The following SCD5 variants were observed in gnomAD, a reference collection of about 807,000 sequenced individuals.
SCD5 encodes the protein acyl-CoA-desaturase 4.
Under a neutral mutation model 30.4 loss-of-function variants are expected in SCD5, and 20 were observed. The observed-to-expected ratio is 0.66, with a 90% CI of 0.46 to 0.96. The LOEUF (loss-of-function observed/expected upper bound fraction) is 0.96, where lower values mean the gene tolerates loss of function less well. SCD5 is among the 40% of genes least tolerant of loss of function. The pLI is 0.00. For synonymous variants in SCD5, 173 were observed against 176.4 expected, an observed-to-expected ratio of 0.98 and a Z score of 0.16; for missense variants, 381 against 443.3, an observed-to-expected ratio of 0.86 and a Z score of 1.26.
intron 1 of SCD5, among the ~76,000 whole-genome samples, chr4:82,789,642 C>G (rs548741032): frequency 1.3e-5 from 2 of 152,274 alleles, no homozygotes; most frequent in Non-Finnish European, 2.9e-5. Flanking sequence ...CAGAGAGAAA[C>G]CTGCAGCCTG....
At chr4:82,743,522 TTA>T (rs543413157) in intron 1 of SCD5, among the ~76,000 whole-genome samples, 1 of 151,736 alleles carries the variant, frequency 6.6e-6, no homozygotes, top group Non-Finnish European at 1.5e-5. Flanking sequence ...AGGAAAAAAG[TTA>T]TATATATATA....
chr4:82,670,693 GATATGGCAAATATCAATTCCATA>G (rs1359007703), intron 3 of SCD5, among the ~76,000 whole-genome samples: 2 of 150,730 alleles, frequency 1.3e-5, no homozygotes, highest in African/African-American at 4.9e-5. Context: ...CATATCAATT[GATATGGCAAATATCAATTCCATA>G]TCAATTGATA....
intron 2 of SCD5, among the ~76,000 whole-genome samples, chr4:82,695,930 T>C (rs1057301341): frequency 7.2e-5 from 11 of 152,212 alleles, no homozygotes; most frequent in Non-Finnish European, 1.0e-4. Context: ...TTGAGCAATT[T>C]AACTCCACAT....
At chr4:82,653,676 T>TGATAGACAGATAGATA (rs146878462) in intron 3 of SCD5, among the ~76,000 whole-genome samples, 1 of 136,556 alleles carries the variant, frequency 7.3e-6, no homozygotes, top group Non-Finnish European at 1.5e-5. Flanking sequence ...TGAAAGTCAA[T>TGATAGACAGATAGATA]GATAGATAGA....
chr4:82,795,452 C>T (rs971863864), intron 1 of SCD5, among the ~76,000 whole-genome samples: 36 of 152,168 alleles, frequency 2.4e-4, no homozygotes, highest in African/African-American at 7.0e-4. Context: ...TGGTCTGCCT[C>T]GTCCCTCTGC....
chr4:82,638,732 T>C (rs1441850107), intron 3 of SCD5, among the ~76,000 whole-genome samples: 2 of 152,166 alleles, frequency 1.3e-5, no homozygotes, highest in East Asian at 3.9e-4. Flanking sequence ...AAAGCTGGGC[T>C]GAGAATATGA....
At chr4:82,794,931 G>A (rs1162401944) in intron 1 of SCD5, among the ~76,000 whole-genome samples, 2 of 152,222 alleles carry the variant, frequency 1.3e-5, no homozygotes, top group East Asian at 1.9e-4. Context: ...GATTATAGGC[G>A]TGAGCCACCA....
At chr4:82,720,451 A>AAAAAAAAAAAAAAAAAAAAAAAAC (rs1720347078) in intron 1 of SCD5, among the ~76,000 whole-genome samples, 1 of 147,596 alleles carries the variant, frequency 6.8e-6, no homozygotes, top group African/African-American at 2.6e-5. Flanking sequence ...TAAAAAAAAA[A>AAAAAAAAAAAAAAAAAAAAAAAAC]AAAAAAAAAA....
At chr4:82,681,011 G>A (rs1728561559) in intron 2 of SCD5, 99 bp from the exon 3 acceptor site, 1 of 964,746 alleles carries the variant, frequency 1.0e-6, no homozygotes, top group Non-Finnish European at 1.6e-6. Flanking sequence ...AGTCCTCACT[G>A]CTGGTTTCAC....
At chr4:82,796,491 C>T (rs528040662) in intron 1 of SCD5, among the ~76,000 whole-genome samples, 36 of 152,154 alleles carry the variant, frequency 2.4e-4, no homozygotes, top group African/African-American at 8.4e-4. Context: ...GAGAGCGGTC[C>T]GGAAAGGGCA....
At position 82,637,370 on chromosome 4, in the gene SCD5, A is replaced by C. The variant is rs542027816; in HGVS notation, c.570-547T>G. Among the ~76,000 whole-genome samples, 7 of 152,330 alleles carry C rather than the reference A, an allele frequency of 4.6e-5. No individual in the cohort carries two copies. The South Asian group carries it at 1.4e-3, about 32-fold the overall frequency. ...CGTTCCAAACCAGCAAAAAAATAAT[A>C]AGTATAGAAACAGGCATGGCCACAT... On this transcript the variant is annotated intron_variant, in intron 3 of 4. Transcript: ENST00000319540.
At chr4:82,703,848 C>T (rs565251963) in intron 2 of SCD5, among the ~76,000 whole-genome samples, 2 of 152,266 alleles carry the variant, frequency 1.3e-5, no homozygotes, top group South Asian at 2.1e-4. Context: ...AGGTCCTCAA[C>T]GTCATCTAAG....
chr4:82,666,597 G>T (rs1014757799), intron 3 of SCD5, among the ~76,000 whole-genome samples: 3 of 152,204 alleles, frequency 2.0e-5, no homozygotes, highest in Admixed American at 6.5e-5. Flanking sequence ...AGAGAACCAG[G>T]AATCGATAAT....
intron 3 of SCD5, among the ~76,000 whole-genome samples, chr4:82,651,533 G>T (rs1308095141): frequency 6.6e-6 from 1 of 152,100 alleles, no homozygotes; most frequent in Non-Finnish European, 1.5e-5. Flanking sequence ...TGGGTGATGG[G>T]TGCACCAAAA....
At chr4:82,777,568 G>T (rs1721770614) in intron 1 of SCD5, among the ~76,000 whole-genome samples, 1 of 152,200 alleles carries the variant, frequency 6.6e-6, no homozygotes, top group African/African-American at 2.4e-5. Context: ...CCCATCCTTA[G>T]GAGGGCCTCA....
rs192654796 is a variant in SCD5 at position 82,636,767 on chromosome 4, C to G, written c.626G>C (p.Trp209Ser). The part of the protein sequence containing the change: ...MCFVVPTLVP[W>S]YIWGESLWNS... Reference sequence around the variant, plus strand: ...CCACAGACTCTCTCCCCAGATGTACCAGGGCACCAGCGTGGGGACCACAAA... The same window carrying G: ...CCACAGACTCTCTCCCCAGATGTACGAGGGCACCAGCGTGGGGACCACAAA... The change falls in exon 4 of 5, where the codon TGG becomes TCG. Residue 209 changes from tryptophan to serine, a missense_variant. Coordinates refer to ENST00000319540, the MANE Select transcript of SCD5 (RefSeq NM_001037582.3). 55 of 1,614,202 alleles carry G rather than the reference C, an allele frequency of 3.4e-5. No individual in the cohort carries two copies. The East Asian group carries it at 6.5e-4, about 19-fold the overall frequency.
intron 3 of SCD5, 64 bp from the exon 4 acceptor site, chr4:82,636,887 AG>A: frequency 2.9e-6 from 4 of 1,389,526 alleles, no homozygotes; most frequent in Non-Finnish European, 2.0e-6. Context: ...GGGCTGAGCA[AG>A]TCACAGGAAA....
chr4:82,670,061 C>A (rs1190671253), intron 3 of SCD5, among the ~76,000 whole-genome samples: 1 of 152,178 alleles, frequency 6.6e-6, no homozygotes, highest in African/African-American at 2.4e-5. Context: ...GACCTATATA[C>A]AGCAGTTCCT....
At chr4:82,700,365 C>T (rs955599928) in intron 2 of SCD5, among the ~76,000 whole-genome samples, 1 of 152,050 alleles carries the variant, frequency 6.6e-6, no homozygotes, top group Admixed American at 6.6e-5. Flanking sequence ...AGGGTTTACA[C>T]CATGCCCAGC....
Sources: allele counts gnomAD v4.1 joint callset (sites outside exome capture counted in the v4.1 genomes callset), GRCh38; gene constraint gnomAD v4.1.1; transcripts MANE v1.5; gene names NCBI Gene and HGNC (gene_info 2026-07-23, HGNC 2026-07-21).